Variants in MTUS2 observed in about 807,000 individuals in gnomAD.
The protein encoded by MTUS2 is microtubule-associated tumor suppressor candidate 2.
Under a neutral mutation model 114.1 loss-of-function variants are expected in MTUS2, and 40 were observed. The observed-to-expected ratio is 0.35, with a 90% CI of 0.27 to 0.46. The LOEUF (loss-of-function observed/expected upper bound fraction) is 0.46. Among genes scored for constraint, MTUS2 ranks in the 20% least tolerant of loss-of-function variants. The pLI is 1.00. For missense variants in MTUS2, 1,679 were observed against 1,705.4 expected (o/e 0.98, Z 0.27); for synonymous variants, 688 against 672.0 (o/e 1.02, Z -0.37).
intron 2 of MTUS2, among the ~76,000 whole-genome samples, chr13:28,883,966 A>G (rs1479086078): frequency 2.0e-5 from 3 of 152,174 alleles, no homozygotes. Context: ...TGTAACTGCT[A>G]TGGAAAATAG....
At chr13:28,836,965 T>C (rs1233253384) in intron 1 of MTUS2, among the ~76,000 whole-genome samples, 1 of 152,226 alleles carries the variant, frequency 6.6e-6, no homozygotes, top group Non-Finnish European at 1.5e-5. Context: ...CTTTCAGATC[T>C]GCCCCCCTTA....
intron 5 of MTUS2, among the ~76,000 whole-genome samples, chr13:29,204,344 T>A (rs1218826116): frequency 6.6e-6 from 1 of 152,208 alleles, no homozygotes; most frequent in Non-Finnish European, 1.5e-5. Context: ...ATGATTTTCA[T>A]GGTCACCAGG....
chr13:28,916,752 T>C (rs1469389881), intron 2 of MTUS2, among the ~76,000 whole-genome samples: 1 of 151,782 alleles, frequency 6.6e-6, no homozygotes. Flanking sequence ...ATTTTCATGC[T>C]CTTTATTTCT....
intron 6 of MTUS2, among the ~76,000 whole-genome samples, chr13:29,312,143 GC>G (rs1266354217): frequency 6.6e-6 from 1 of 152,160 alleles, no homozygotes; most frequent in Non-Finnish European, 1.5e-5. Flanking sequence ...CTTCACTGAA[GC>G]CTTACCTGGC....
chr13:28,956,752 T>G (rs1396907710), intron 2 of MTUS2, among the ~76,000 whole-genome samples: 7 of 150,212 alleles, frequency 4.7e-5, no homozygotes, highest in Admixed American at 4.6e-4. Context: ...GATAAGCTGG[T>G]GGGAAGGAAG....
intron 7 of MTUS2, among the ~76,000 whole-genome samples, chr13:29,337,132 C>T (rs1052233530): frequency 6.6e-6 from 1 of 152,034 alleles, no homozygotes; most frequent in Non-Finnish European, 1.5e-5. Context: ...GGCTTCAGCC[C>T]CCTTTCCAGG....
At chr13:29,305,053 A>T (rs1899382148) in intron 6 of MTUS2, among the ~76,000 whole-genome samples, 1 of 152,206 alleles carries the variant, frequency 6.6e-6, no homozygotes, top group Admixed American at 6.5e-5. Flanking sequence ...TAAAAATGAA[A>T]TTAAGGCAGA....
intron 6 of MTUS2, among the ~76,000 whole-genome samples, chr13:29,291,316 C>T (rs997534138): frequency 1.3e-5 from 2 of 152,190 alleles, no homozygotes; most frequent in East Asian, 1.9e-4. Context: ...CAGTGAGACA[C>T]GCCATGGACA....
chr13:29,491,577 TG>T (rs754319615), intron 11 of MTUS2, among the ~76,000 whole-genome samples: 6 of 86,662 alleles, frequency 6.9e-5, no homozygotes, highest in Admixed American at 5.3e-4. Context: ...GGGGAGTGTG[TG>T]GGGGTGTGTG....
At chr13:29,101,047 T>G in intron 5 of MTUS2, 77 bp downstream of exon 5, 1 of 1,380,292 alleles carries the variant, frequency 7.2e-7, no homozygotes, top group Non-Finnish European at 9.6e-7. Context: ...TGTCATTTTC[T>G]TTGCATGATT....
At chr13:28,874,677 C>T (rs1044377849) in intron 2 of MTUS2, among the ~76,000 whole-genome samples, 5 of 152,074 alleles carry the variant, frequency 3.3e-5, no homozygotes, top group East Asian at 3.9e-4. Flanking sequence ...GCTGCAATGA[C>T]GTAACATCAG....
intron 2 of MTUS2, among the ~76,000 whole-genome samples, chr13:28,951,327 A>G (rs1772059732): frequency 2.0e-5 from 3 of 152,234 alleles, no homozygotes; most frequent in Admixed American, 1.3e-4. Context: ...TTTCCAATCC[A>G]TGAACACGGA....
At chr13:28,855,252 C>G (rs1876549594) in intron 2 of MTUS2, among the ~76,000 whole-genome samples, 1 of 151,860 alleles carries the variant, frequency 6.6e-6, no homozygotes, top group South Asian at 2.1e-4. Context: ...AGGCACTAGT[C>G]ATTTTTTTAA....
intron 4 of MTUS2, among the ~76,000 whole-genome samples, chr13:29,050,593 ACCC>A (rs1195255484): frequency 6.6e-6 from 1 of 151,728 alleles, no homozygotes; most frequent in Non-Finnish European, 1.5e-5. Flanking sequence ...GCGTCATCTT[ACCC>A]CCCTCTTCAC....
Position 29,366,643 on chromosome 13 carries a change from T to C in MTUS2, c.3117+7170T>C, listed in dbSNP as rs145892222. Among the ~76,000 whole-genome samples the C allele has an allele frequency of 8.0e-4, 122 of 152,302 alleles. 1 individual carries two copies. Among genetic ancestry groups the C allele is most frequent in the Non-Finnish European group, 1.4e-3 (93 of 68,030 alleles). On this transcript the variant is annotated intron_variant, in intron 8 of 15. Coordinates refer to ENST00000612955, the MANE Select transcript of MTUS2 (RefSeq NM_001033602.4). ...TGGGACCATCACGGTTTTGAAAATA[T>C]AAGTTAGATTATTCTCTTTGGGAAA... is the stretch of plus-strand genomic sequence containing the variant.
chr13:29,343,706 G>GT (rs55933759), intron 7 of MTUS2, among the ~76,000 whole-genome samples: 80,988 of 131,698 alleles, frequency 0.61, 24,856 homozygotes, highest in East Asian at 0.8. Context: ...AGTTTGGTTT[G>GT]TTTTGTTTCT....
intron 8 of MTUS2, among the ~76,000 whole-genome samples, chr13:29,423,366 T>C (rs1398793257): frequency 2.6e-5 from 4 of 152,192 alleles, no homozygotes; most frequent in Non-Finnish European, 5.9e-5. Flanking sequence ...CATTGCCAGC[T>C]AGAAGGAACT....
intron 2 of MTUS2, among the ~76,000 whole-genome samples, chr13:28,865,460 T>G (rs1877242499): frequency 6.6e-6 from 1 of 152,230 alleles, no homozygotes; most frequent in Non-Finnish European, 1.5e-5. Context: ...AATCATCATA[T>G]TAAGTTGGCA....
At chr13:29,448,761 T>TTTC (rs2138724227) in intron 9 of MTUS2, among the ~76,000 whole-genome samples, 1 of 149,120 alleles carries the variant, frequency 6.7e-6, no homozygotes, top group East Asian at 2.0e-4. Flanking sequence ...CTCTTTTTTT[T>TTTC]TTTTTTTTTT....
Sources: allele counts gnomAD v4.1 joint callset (sites outside exome capture counted in the v4.1 genomes callset), GRCh38; gene constraint gnomAD v4.1.1; transcripts MANE v1.5; gene names NCBI Gene and HGNC (gene_info 2026-07-23, HGNC 2026-07-21).